PHACTR1: variants seen among roughly 807,000 people sequenced by gnomAD.
PHACTR1 encodes the protein RPEL repeat containing 1.
A neutral mutation model predicts 69.2 loss-of-function variants in PHACTR1; 16 were observed. That is an observed-to-expected ratio of 0.23 (90% CI 0.16 to 0.35). The LOEUF is 0.35. Among genes scored for constraint, PHACTR1 ranks in the 10% least tolerant of loss-of-function variants. PHACTR1 has a pLI of 1.00. For synonymous variants in PHACTR1, 312 were observed against 284.5 expected (o/e 1.10, Z -0.97); for missense variants, 510 against 734.7 (o/e 0.69, Z 3.54).
intron 5 of PHACTR1, among the ~76,000 whole-genome samples, chr6:13,099,880 T>C (rs770772708): frequency 4.6e-5 from 7 of 152,250 alleles, no homozygotes; most frequent in Non-Finnish European, 7.3e-5. Context: ...CAAAGTCTTC[T>C]GTAATTTGTG....
intron 4 of PHACTR1, among the ~76,000 whole-genome samples, chr6:12,944,754 ATTAT>A (rs1181743004): frequency 5.4e-5 from 8 of 147,754 alleles, no homozygotes; most frequent in Middle Eastern, 3.5e-3. Context: ...CACCTTTTGA[ATTAT>A]TTATTTATTT....
At chr6:13,094,963 G>A (rs980788159) in intron 5 of PHACTR1, among the ~76,000 whole-genome samples, 2 of 152,274 alleles carry the variant, frequency 1.3e-5, no homozygotes, top group East Asian at 3.9e-4. Flanking sequence ...GGTCAAAGCA[G>A]GGCCCTGATG....
chr6:12,893,825 A>G (rs1275274401), intron 4 of PHACTR1, among the ~76,000 whole-genome samples: 1 of 152,248 alleles, frequency 6.6e-6, no homozygotes, highest in East Asian at 1.9e-4. Context: ...GTCAAGTGTC[A>G]CATGGGCTTC....
In PHACTR1 at chr6:12,925,467, A is replaced by G. The variant is rs143244568; in HGVS notation, c.251-127898A>G. 4.6e-4 allele frequency among the ~76,000 whole-genome samples: 70 copies of G among 152,356 alleles called. 1 individual carries two copies. In the East Asian group the frequency reaches 0.013, roughly 28 times the overall value. ...TAACTTAATGTCTTTCTAAGGTACG[A>G]AACTGTTCTAAGAGAATACCTTCTA... On this transcript the variant is annotated intron_variant, in intron 4 of 14. Transcript: ENST00000332995.
chr6:12,881,873 C>A (rs59802022), intron 4 of PHACTR1, among the ~76,000 whole-genome samples: 11,062 of 152,126 alleles, frequency 0.073, 476 homozygotes, highest in Admixed American at 0.11. Context: ...AGGATCCAAC[C>A]CCTTGGAAAT....
At chr6:12,852,113 G>C (rs149043888) in intron 4 of PHACTR1, among the ~76,000 whole-genome samples, 2,488 of 152,296 alleles carry the variant, frequency 0.016, 61 homozygotes, top group African/African-American at 0.054. Flanking sequence ...AGGATTACAG[G>C]CGTGAGCCAC....
At chr6:13,119,426 C>G (rs1818357870) in intron 5 of PHACTR1, among the ~76,000 whole-genome samples, 1 of 152,198 alleles carries the variant, frequency 6.6e-6, no homozygotes, top group Non-Finnish European at 1.5e-5. Context: ...ACATACTGAC[C>G]TCACTAGTGG....
chr6:12,869,940 G>A (rs967293026), intron 4 of PHACTR1, among the ~76,000 whole-genome samples: 3 of 152,146 alleles, frequency 2.0e-5, no homozygotes, highest in African/African-American at 7.2e-5. Flanking sequence ...CCTGGTCCTA[G>A]GGTTATAAGG....
At chr6:12,840,464 G>A (rs1778580371) in intron 4 of PHACTR1, among the ~76,000 whole-genome samples, 1 of 152,136 alleles carries the variant, frequency 6.6e-6, no homozygotes, top group African/African-American at 2.4e-5. Flanking sequence ...CATGAGAAAG[G>A]GGCTAGTGGA....
At chr6:12,854,734 G>A (rs1780170614) in intron 4 of PHACTR1, among the ~76,000 whole-genome samples, 1 of 152,082 alleles carries the variant, frequency 6.6e-6, no homozygotes, top group Non-Finnish European at 1.5e-5. Context: ...CAAAGGATGG[G>A]AACAAACACT....
At chr6:13,184,863 A>T in intron 7 of PHACTR1, 8 of 1,366,548 alleles carry the variant, frequency 5.9e-6, no homozygotes, top group Non-Finnish European at 7.8e-6. Context: ...CTTCAGCCAA[A>T]CCAGTCCTGC....
At chr6:13,186,701 G>A (rs542857789) in intron 7 of PHACTR1, among the ~76,000 whole-genome samples, 72 of 152,300 alleles carry the variant, frequency 4.7e-4, no homozygotes, top group Non-Finnish European at 8.8e-4. Context: ...ATATGTAACA[G>A]TTTAATGCAG....
intron 5 of PHACTR1, among the ~76,000 whole-genome samples, chr6:13,131,392 G>C (rs948613112): frequency 2.0e-5 from 3 of 152,006 alleles, no homozygotes; most frequent in Non-Finnish European, 4.4e-5. Context: ...TGGGAGCTAA[G>C]CTATGAGGAT....
At chr6:12,966,685 T>C (rs1488681734) in intron 4 of PHACTR1, among the ~76,000 whole-genome samples, 1 of 152,254 alleles carries the variant, frequency 6.6e-6, no homozygotes, top group African/African-American at 2.4e-5. Context: ...TTTTGTTTTG[T>C]TGATATTGCA....
intron 4 of PHACTR1, among the ~76,000 whole-genome samples, chr6:12,809,996 G>A (rs770328137): frequency 2.0e-5 from 3 of 152,086 alleles, no homozygotes; most frequent in African/African-American, 2.4e-5. Context: ...ATGAAACTAC[G>A]GAATAAATGA....
At chr6:13,008,055 A>G (rs1388076900) in intron 4 of PHACTR1, among the ~76,000 whole-genome samples, 1 of 152,228 alleles carries the variant, frequency 6.6e-6, no homozygotes, top group Admixed American at 6.5e-5. Context: ...ACACATTTAG[A>G]TGTTTCAACT....
At position 13,166,902 on chromosome 6, in the gene PHACTR1, AC is replaced by A. The variant is rs145145412; in HGVS notation, c.496+6619del. Among the ~76,000 whole-genome samples, 1,165 of 152,298 alleles carry A rather than the reference AC, an allele frequency of 7.6e-3. 32 individuals carry two copies. In the East Asian group the frequency reaches 0.11, roughly 14 times the overall value. ...ATCTGTGTTGGGTTGAAAATAATTC[AC>A]ATATGAATGGACCTATGCAGCTCAA... On this transcript the variant is annotated intron_variant, in intron 6 of 14. Transcript: ENST00000332995.
rs546884733 is a variant in PHACTR1, at chr6:13,191,323, C to T, written c.664+8637C>T. ...TGTTCTGTGTTCTTTGTGAGATGGT[C>T]GGTCAAGTGCAGCCATAAGGTTTAT... On this transcript the variant is annotated intron_variant, in intron 7 of 14. Coordinates refer to ENST00000332995, the MANE Select transcript of PHACTR1 (RefSeq NM_030948.6). Among the ~76,000 whole-genome samples the T allele has an allele frequency of 1.1e-3, 173 of 152,244 alleles. 1 individual carries two copies. Among genetic ancestry groups the T allele is most frequent in the Non-Finnish European group, 5.0e-4 (34 of 68,018 alleles).
In PHACTR1 at chr6:12,803,397, A is replaced by G. The variant is rs74486440; in HGVS notation, c.250+53607A>G. Among the ~76,000 whole-genome samples the G allele has an allele frequency of 7.9e-4, 120 of 152,234 alleles. No individual in the cohort carries two copies. In the East Asian group the frequency reaches 0.023, roughly 29 times the overall value. On this transcript the variant is annotated intron_variant, in intron 4 of 14. Transcript: ENST00000332995. Reference sequence around the variant, plus strand: ...CCCTCACAGAAAAGGAGGAGGAGACATATTAGGGAAGGTGAGGAAGACTAA... The same window carrying G: ...CCCTCACAGAAAAGGAGGAGGAGACGTATTAGGGAAGGTGAGGAAGACTAA...
Sources: allele counts gnomAD v4.1 joint callset (sites outside exome capture counted in the v4.1 genomes callset), GRCh38; gene constraint gnomAD v4.1.1; transcripts MANE v1.5; gene names NCBI Gene and HGNC (gene_info 2026-07-23, HGNC 2026-07-21).